ANO4: variants seen among roughly 807,000 people sequenced by gnomAD.
ANO4 encodes the protein anoctamin-4.
Under a neutral mutation model 141.9 loss-of-function variants are expected in ANO4, and 69 were observed. The observed-to-expected ratio is 0.49, with a 90% CI of 0.40 to 0.59. ANO4 has a LOEUF of 0.59. ANO4 is among the 20% of genes least tolerant of loss of function. The pLI is 0.00. For synonymous variants in ANO4, 350 were observed against 394.3 expected (o/e 0.89, Z 1.33); for missense variants, 894 against 1,162.2 (o/e 0.77, Z 3.36).
chr12:100,887,542 C>T (rs1279610267), intron 1 of ANO4, among the ~76,000 whole-genome samples: 2 of 150,160 alleles, frequency 1.3e-5, no homozygotes, highest in African/African-American at 4.9e-5. Context: ...CTTTCTAAAA[C>T]CCAAGAAGTA....
chr12:100,788,997 G>C (rs1403881644), intron 3 of ANO4, among the ~76,000 whole-genome samples: 2 of 152,120 alleles, frequency 1.3e-5, no homozygotes, highest in Non-Finnish European at 2.9e-5. Flanking sequence ...CAGACCCTGG[G>C]ATGGGAATGA....
chr12:100,879,409 T>C (rs2039462632), intron 1 of ANO4, among the ~76,000 whole-genome samples: 1 of 152,118 alleles, frequency 6.6e-6, no homozygotes. Flanking sequence ...CATTTGGGGA[T>C]TAGGGATTGG....
At chr12:101,094,617 T>G (rs919086184) in intron 18 of ANO4, among the ~76,000 whole-genome samples, 4 of 152,186 alleles carry the variant, frequency 2.6e-5, no homozygotes, top group African/African-American at 9.6e-5. Flanking sequence ...CATTTGCTAT[T>G]GCCTATAATT....
intron 1 of ANO4, among the ~76,000 whole-genome samples, chr12:100,812,373 A>G (rs958025179): frequency 5.9e-5 from 9 of 152,180 alleles, no homozygotes; most frequent in African/African-American, 1.9e-4. Flanking sequence ...AGCTTTACAA[A>G]ACAGGCAATA....
At chr12:101,095,119 C>T (rs1050176223) in intron 18 of ANO4, among the ~76,000 whole-genome samples, 7 of 152,282 alleles carry the variant, frequency 4.6e-5, no homozygotes, top group Middle Eastern at 3.4e-3. Context: ...CCATAAGAAG[C>T]TTGTCCAGAG....
intron 8 of ANO4, among the ~76,000 whole-genome samples, chr12:101,017,788 G>A (rs2046371489): frequency 6.6e-6 from 1 of 152,150 alleles, no homozygotes; most frequent in Non-Finnish European, 1.5e-5. Flanking sequence ...CTTCCCTTAT[G>A]GGTTGAAATA....
intron 14 of ANO4, among the ~76,000 whole-genome samples, chr12:101,063,291 G>A (rs2136745219): frequency 6.6e-6 from 1 of 152,314 alleles, no homozygotes; most frequent in South Asian, 2.1e-4. Flanking sequence ...CTTTTGCACT[G>A]ATCCCACAGA....
intron 1 of ANO4, among the ~76,000 whole-genome samples, chr12:100,819,418 C>T (rs1190543106): frequency 2.0e-5 from 3 of 151,860 alleles, no homozygotes; most frequent in Non-Finnish European, 2.9e-5. Context: ...CAGTTGAAAA[C>T]TATATTTCAG....
At chr12:101,073,834 G>A (rs866598561) in intron 14 of ANO4, among the ~76,000 whole-genome samples, 6 of 152,024 alleles carry the variant, frequency 3.9e-5, no homozygotes, top group Non-Finnish European at 8.8e-5. Flanking sequence ...TTTGGGATTG[G>A]CATTATTAAC....
chr12:100,888,605 T>G (rs547460012), intron 1 of ANO4, among the ~76,000 whole-genome samples: 15 of 152,380 alleles, frequency 9.8e-5, no homozygotes, highest in African/African-American at 3.6e-4. Context: ...AGCTCCTTCT[T>G]GTGCCTCCAT....
chr12:100,818,023 A>G (rs2035829580), intron 1 of ANO4, among the ~76,000 whole-genome samples: 1 of 151,782 alleles, frequency 6.6e-6, no homozygotes, highest in Non-Finnish European at 1.5e-5. Context: ...TAAAGATTTC[A>G]TGATTTCCCT....
At chr12:100,801,517 A>G (rs1362946127) in intron 1 of ANO4, among the ~76,000 whole-genome samples, 2 of 149,734 alleles carry the variant, frequency 1.3e-5, no homozygotes, top group East Asian at 3.9e-4. Context: ...TTTTTTTTTA[A>G]AAGCACAATT....
chr12:101,028,769 C>T (rs1174590815), intron 9 of ANO4, among the ~76,000 whole-genome samples: 1 of 152,136 alleles, frequency 6.6e-6, no homozygotes, highest in Non-Finnish European at 1.5e-5. Context: ...AGGATATTAT[C>T]CAGGAGAATT....
chr12:100,742,409 A>G lies in ANO4; in HGVS notation c.358+2304A>G, dbSNP rs548078091. On this transcript the variant is annotated intron_variant, in intron 3 of 29. Transcript: ENST00000644049. ...TTTGTTTAAAAAATACAGTTTTATT[A>G]CTCATTTATACTTAATTTTTTGCTT... Among the ~76,000 whole-genome samples, 454 of 152,126 alleles carry G rather than the reference A, an allele frequency of 3.0e-3. 6 individuals are homozygous for G. The highest frequency in any genetic ancestry group is 0.01 in the African/African-American group (422 of 41,528).
intron 7 of ANO4, among the ~76,000 whole-genome samples, chr12:100,975,507 C>T (rs914066480): frequency 6.6e-6 from 1 of 151,062 alleles, no homozygotes; most frequent in Non-Finnish European, 1.5e-5. Context: ...CCGCAACCTC[C>T]GCCTCCTGGG....
At chr12:100,810,410 A>T (rs746695790) in intron 1 of ANO4, among the ~76,000 whole-genome samples, 1 of 152,050 alleles carries the variant, frequency 6.6e-6, no homozygotes, top group African/African-American at 2.4e-5. Context: ...AAGTATTTAG[A>T]TTTTATCCAG....
chr12:100,924,340 A>G (rs1288451588), intron 3 of ANO4, among the ~76,000 whole-genome samples: 1 of 152,110 alleles, frequency 6.6e-6, no homozygotes, highest in Non-Finnish European at 1.5e-5. Flanking sequence ...CACCTTACAG[A>G]TGGAACAACT....
chr12:101,086,080 CTGTGTGTGTGTGTGTGTG>C (rs56891905), intron 16 of ANO4, among the ~76,000 whole-genome samples: 7 of 131,736 alleles, frequency 5.3e-5, no homozygotes, highest in Admixed American at 2.3e-4. Context: ...GTTAACTAGG[CTGTGTGTGTGTGTGTGTG>C]TGTGTGTGTG....
intron 1 of ANO4, among the ~76,000 whole-genome samples, chr12:100,799,234 T>C (rs749830692): frequency 8.5e-5 from 13 of 152,174 alleles, no homozygotes; most frequent in Non-Finnish European, 1.5e-4. Flanking sequence ...GATGAACGAT[T>C]ATTTCTAAGA....
Sources: gnomAD v4.1 joint callset for allele counts (sites outside exome capture counted in the v4.1 genomes callset) on GRCh38, gnomAD v4.1.1 for gene constraint, MANE v1.5 for transcripts, NCBI Gene and HGNC (gene_info 2026-07-23, HGNC 2026-07-21) for gene names.